The following MTMR8 variants were observed in gnomAD, a reference collection of about 807,000 sequenced individuals.
MTMR8 encodes the protein myotubularin related protein 8, also known as phosphatidylinositol-3,5-bisphosphate 3-phosphatase MTMR8.
A neutral mutation model predicts 39.3 loss-of-function variants in MTMR8; 65 were observed. The observed-to-expected ratio is 1.65, with a 90% CI of 1.35 to 2.03. The LOEUF (loss-of-function observed/expected upper bound fraction) is 2.03, where lower values mean the gene tolerates loss of function less well. Among genes scored for constraint, MTMR8 ranks in the 30% most tolerant of loss-of-function variants. MTMR8 has a pLI of 0.00. For synonymous variants in MTMR8, 245 were observed against 185.2 expected, an observed-to-expected ratio of 1.32 and a Z score of -2.62; for missense variants, 777 against 538.9, an observed-to-expected ratio of 1.44 and a Z score of -4.37.
intron 2 of MTMR8, among the ~76,000 whole-genome samples, chrX:64,357,581 C>T (rs1397632856): frequency 9.0e-6 from 1 of 110,776 alleles, no homozygotes; most frequent in East Asian, 2.9e-4. Context: ...TTGTGTGCTA[C>T]CATGCCTGGC....
At chrX:64,329,502 T>C (rs1922887405) in intron 11 of MTMR8, among the ~76,000 whole-genome samples, 2 of 111,691 alleles carry the variant, frequency 1.8e-5, no homozygotes, top group African/African-American at 3.2e-5. Flanking sequence ...ATGGCATTTA[T>C]ATTACAAAAT....
At chrX:64,300,962 G>A (rs1921844611) in intron 12 of MTMR8, among the ~76,000 whole-genome samples, 1 of 108,829 alleles carries the variant, frequency 9.2e-6, no homozygotes, top group South Asian at 4.1e-4. Flanking sequence ...AGTCTGATGG[G>A]CTTCCCTTTG....
chrX:64,375,438 T>C (rs768671504), intron 1 of MTMR8, among the ~76,000 whole-genome samples: 12 of 111,626 alleles, frequency 1.1e-4, no homozygotes, highest in African/African-American at 3.9e-4. Flanking sequence ...TATATTAATA[T>C]AAGACATAAA....
chrX:64,392,606 T>C (rs1028330223), intron 1 of MTMR8, among the ~76,000 whole-genome samples: 2 of 109,823 alleles, frequency 1.8e-5, no homozygotes, highest in African/African-American at 6.8e-5. Context: ...TTGTTTTTTG[T>C]TTTTGTTTTT....
chrX:64,327,987 C>T (rs1922843992), intron 12 of MTMR8, among the ~76,000 whole-genome samples: 1 of 111,503 alleles, frequency 9.0e-6, no homozygotes, highest in Non-Finnish European at 1.9e-5. Flanking sequence ...ATTATTGTGT[C>T]AATTAAAATT....
At chrX:64,370,586 T>C (rs912007378) in intron 1 of MTMR8, among the ~76,000 whole-genome samples, 9 of 111,648 alleles carry the variant, frequency 8.1e-5, no homozygotes, top group African/African-American at 2.9e-4. Flanking sequence ...AAGAAAAGGA[T>C]ATTCATTTAT....
rs1331151598 is a variant in MTMR8, at chrX:64,359,405, C to A, written c.147G>T (p.Trp49Cys). The stretch of plus-strand genomic sequence containing the variant: ...TTGATACTTCTTCTCATGAACATAC[C>A]CATGTTTCTTTCCGGGCTGCACCTG... Reference protein sequence around the residue: ...EASGAARKETWIALHHIATVE... With the variant: ...EASGAARKETCIALHHIATVE... The change falls in exon 2 of 14, where the codon TGG (tryptophan) becomes TGT (cysteine). Residue 49 changes from tryptophan (W) to cysteine (C), a missense_variant and splice_region_variant. By Grantham distance (215) the Trp-to-Cys change is radical. Coordinates refer to ENST00000374852, the MANE Select transcript of MTMR8 (RefSeq NM_017677.4). 15 of 1,199,121 alleles carry A rather than the reference C, an allele frequency of 1.3e-5. No individual in the cohort carries two copies. The highest frequency in any genetic ancestry group is 1.7e-5 in the Non-Finnish European group (15 of 888,888).
At chrX:64,340,338 C>T (rs978352052) in intron 8 of MTMR8, among the ~76,000 whole-genome samples, 2 of 111,941 alleles carry the variant, frequency 1.8e-5, no homozygotes, top group African/African-American at 6.5e-5. Context: ...TGTACATTGA[C>T]ACTCAAATCT....
At chrX:64,315,257 G>A (rs1440395919) in intron 12 of MTMR8, among the ~76,000 whole-genome samples, 1 of 112,007 alleles carries the variant, frequency 8.9e-6, no homozygotes, top group African/African-American at 3.2e-5. Context: ...CTCCTTGCCA[G>A]TTCAACTCAC....
intron 12 of MTMR8, among the ~76,000 whole-genome samples, chrX:64,307,010 G>T (rs973538018): frequency 6.2e-5 from 7 of 112,222 alleles, no homozygotes; most frequent in South Asian, 3.7e-4. Context: ...CATGCTGAGA[G>T]TGAGATGGCC....
At chrX:64,360,602 C>A (rs1166904818) in intron 1 of MTMR8, among the ~76,000 whole-genome samples, 2 of 110,918 alleles carry the variant, frequency 1.8e-5, no homozygotes, top group Admixed American at 9.6e-5. Flanking sequence ...TTAGGTTCTC[C>A]AACCACAATG....
chrX:64,357,148 A>G (rs748210285), intron 2 of MTMR8, among the ~76,000 whole-genome samples: 2 of 111,726 alleles, frequency 1.8e-5, no homozygotes, highest in Non-Finnish European at 3.8e-5. Flanking sequence ...AAGCCATATA[A>G]TCATGGTTTT....
intron 6 of MTMR8, among the ~76,000 whole-genome samples, chrX:64,348,032 G>A (rs1052200098): frequency 6.3e-5 from 7 of 111,645 alleles, no homozygotes; most frequent in African/African-American, 2.0e-4. Flanking sequence ...CAAAATCCAC[G>A]GCAAATTTAT....
At chrX:64,323,604 T>A (rs1295017303) in intron 12 of MTMR8, among the ~76,000 whole-genome samples, 1 of 112,430 alleles carries the variant, frequency 8.9e-6, no homozygotes, top group Non-Finnish European at 1.9e-5. Context: ...AGCTGCAGAA[T>A]AAACAGTCTT....
chrX:64,310,204 A>T (rs1333015099), intron 12 of MTMR8, among the ~76,000 whole-genome samples: 1 of 111,971 alleles, frequency 8.9e-6, no homozygotes, highest in Non-Finnish European at 1.9e-5. Flanking sequence ...TCATTTCGAC[A>T]ATGTTCACAG....
intron 12 of MTMR8, among the ~76,000 whole-genome samples, chrX:64,292,710 G>A (rs759713343): frequency 3.2e-4 from 35 of 110,999 alleles, no homozygotes; most frequent in African/African-American, 5.6e-4. Flanking sequence ...CAGTCTCTCC[G>A]TAAGGACCTG....
At chrX:64,321,809 C>T (rs1280350809) in intron 12 of MTMR8, among the ~76,000 whole-genome samples, 1 of 111,783 alleles carries the variant, frequency 8.9e-6, no homozygotes, top group African/African-American at 3.2e-5. Context: ...CATATGTGGT[C>T]TTTATTGTAT....
intron 1 of MTMR8, among the ~76,000 whole-genome samples, chrX:64,390,150 C>A (rs1057200873): frequency 4.5e-5 from 5 of 111,873 alleles, no homozygotes; most frequent in African/African-American, 1.6e-4. Context: ...AAACCAAAGC[C>A]ATGAAGACTG....
intron 4 of MTMR8, 72 bp downstream of exon 4, chrX:64,354,704 CA>C (rs1326609188): frequency 9.8e-7 from 1 of 1,022,209 alleles, no homozygotes; most frequent in African/African-American, 1.9e-5. Context: ...TCTCTTTTTT[CA>C]AAATCTTGTT....
Sources: gnomAD v4.1 joint callset for allele counts (sites outside exome capture counted in the v4.1 genomes callset) on GRCh38, gnomAD v4.1.1 for gene constraint, MANE v1.5 for transcripts, NCBI Gene and HGNC (gene_info 2026-07-23, HGNC 2026-07-21) for gene names.